The following FRMD3 variants were observed in gnomAD, a reference collection of about 807,000 sequenced individuals.
FRMD3 encodes the protein FERM domain-containing protein 3.
In FRMD3, 33 loss-of-function variants were observed where a neutral mutation model predicts 70.2. The observed-to-expected ratio is 0.47, with a 90% CI of 0.36 to 0.63. The LOEUF is 0.63. FRMD3 is among the 20% of genes least tolerant of loss of function. The probability of loss-of-function intolerance (pLI) is 0.00; values close to 1 mark genes in which losing one functional copy is unlikely to be tolerated. For missense variants in FRMD3, 632 were observed against 711.4 expected (o/e 0.89, Z 1.27); for synonymous variants, 279 against 255.9 (o/e 1.09, Z -0.86).
chr9:83,327,511 T>G (rs1239517495), intron 6 of FRMD3, among the ~76,000 whole-genome samples: 1 of 152,190 alleles, frequency 6.6e-6, no homozygotes, highest in Non-Finnish European at 1.5e-5. Flanking sequence ...TTCTCCTCCC[T>G]GTCATCCTGC....
At chr9:83,310,400 A>T in intron 9 of FRMD3, 85 bp downstream of exon 9, 2 of 1,055,478 alleles carry the variant, frequency 1.9e-6, no homozygotes, top group South Asian at 2.8e-5. Context: ...GTCTTTGGCG[A>T]CTACAATACT....
At chr9:83,364,802 T>A (rs1230300842) in intron 3 of FRMD3, among the ~76,000 whole-genome samples, 2 of 152,246 alleles carry the variant, frequency 1.3e-5, no homozygotes, top group African/African-American at 4.8e-5. Context: ...GTGTGAGCGA[T>A]GTCCTTTTTC....
At position 83,248,020 on chromosome 9, in the gene FRMD3, C is replaced by G; in HGVS notation, c.1692G>C (p.Gln564His). ...AGTGAAACTGCTCAAACTCTGGTGTCTGGCGGATTTCGCATAAGAAGGAGA... is the reference window on the plus strand; with the variant it reads ...AGTGAAACTGCTCAAACTCTGGTGTGTGGCGGATTTCGCATAAGAAGGAGA... ...IDLSFLCEIR[Q>H]TPEFEQFHYE... Residue 564 changes from glutamine to histidine, a missense_variant, in exon 14 of 14, where the codon CAG becomes CAC. Gln to His is a conservative substitution (Grantham distance 24). Coordinates refer to ENST00000304195, the MANE Select transcript of FRMD3 (RefSeq NM_174938.6). 6.2e-7 allele frequency: 1 copy of G among 1,614,170 alleles called. No individual in the cohort carries two copies. The highest frequency in any genetic ancestry group is 8.5e-7 in the Non-Finnish European group (1 of 1,180,032).
intron 6 of FRMD3, among the ~76,000 whole-genome samples, chr9:83,333,543 T>C (rs145033939): frequency 9.2e-5 from 14 of 152,346 alleles, no homozygotes; most frequent in African/African-American, 2.9e-4. Context: ...TCTCATGAAA[T>C]TGTGGATCAC....
rs1825612300 is a variant in FRMD3 at position 83,389,706 on chromosome 9, C to T, written c.150G>A (p.Arg50=). The change falls in exon 2 of 14, where the codon AGG becomes AGA. Residue 50 remains arginine, a splice_region_variant and synonymous_variant. Coordinates refer to ENST00000304195, the MANE Select transcript of FRMD3 (RefSeq NM_174938.6). ...CAATGAGAAACTGCCCTTTGGTTTC[C>T]CTCTGCAAAGGAAGCACATTTAAGT... ...DDSEISCHIQ[R]ETKGQFLIDH... 6.2e-7 allele frequency: 1 copy of T among 1,610,690 alleles called. No homozygotes were observed. The highest frequency in any genetic ancestry group is 2.2e-5 in the East Asian group (1 of 44,846).
chr9:83,416,745 G>GTCTCTGTCTCTCTC (rs1287183704), intron 1 of FRMD3, among the ~76,000 whole-genome samples: 10 of 102,288 alleles, frequency 9.8e-5, no homozygotes, highest in African/African-American at 3.9e-5. Flanking sequence ...ATTTCTCTCT[G>GTCTCTGTCTCTCTC]TCTCTCTCTC....
chr9:83,406,446 A>G (rs1826106382), intron 1 of FRMD3, among the ~76,000 whole-genome samples: 1 of 152,202 alleles, frequency 6.6e-6, no homozygotes, highest in Admixed American at 6.5e-5. Context: ...TGCTTTGTGC[A>G]CACAAAGAAA....
intron 1 of FRMD3, among the ~76,000 whole-genome samples, chr9:83,503,238 C>T (rs1005502965): frequency 6.6e-6 from 1 of 152,150 alleles, no homozygotes; most frequent in Non-Finnish European, 1.5e-5. Context: ...AAATTATCTG[C>T]ATTATCCTGG....
At chr9:83,367,666 G>C (rs1423387584) in intron 3 of FRMD3, among the ~76,000 whole-genome samples, 1 of 152,224 alleles carries the variant, frequency 6.6e-6, no homozygotes, top group Non-Finnish European at 1.5e-5. Flanking sequence ...AGTGCTGGCT[G>C]CAACAGTAGG....
the FRMD3 span, among the ~76,000 whole-genome samples, chr9:83,546,474 T>C: frequency 3.3e-5 from 5 of 152,210 alleles, no homozygotes; most frequent in Non-Finnish European, 5.9e-5. Context: ...TAAGGGAATT[T>C]GATGCCACTA....
rs779303168 is a variant in FRMD3, at chr9:83,527,710, G to A, written c.147+10375C>T. On this transcript the variant is annotated intron_variant, in intron 1 of 13. Transcript: ENST00000304195. ...AGAAAATCCACAGAAACATCCAACC[G>A]AGAAGCACTTACACACTTCTCCCAG... Among the ~76,000 whole-genome samples, 5 of 152,042 alleles carry A rather than the reference G, an allele frequency of 3.3e-5. No homozygotes were observed. The South Asian group carries it at 6.2e-4, about 19-fold the overall frequency.
rs1832119150 is a variant in FRMD3, at chr9:83,246,671, A to ACACT, written c.*1246_*1247insAGTG. On this transcript the variant is annotated 3_prime_UTR_variant, in exon 14 of 14. Transcript: ENST00000304195. ...CTCTCTCTCTCTCTCTCTCTCTCTC[A>ACACT]CACACACACACACGCACACTCACAT... 1 of 633,952 alleles carries ACACT rather than the reference A, an allele frequency of 1.6e-6. No individual in the cohort carries two copies. Among genetic ancestry groups the ACACT allele is most frequent in the South Asian group, 8.4e-5 (1 of 11,878 alleles). 39.3% of individuals were successfully genotyped at this position (633,952 alleles called of 1,614,324 possible).
intron 1 of FRMD3, among the ~76,000 whole-genome samples, chr9:83,451,086 C>A (rs957087388): frequency 6.6e-6 from 1 of 152,128 alleles, no homozygotes; most frequent in Non-Finnish European, 1.5e-5. Context: ...AAACAAAATA[C>A]ACCTTTTTTT....
In FRMD3 at chr9:83,389,696, C is replaced by T; in HGVS notation, c.160G>A (p.Gly54Arg). Residue 54 changes from glycine to arginine, a missense_variant, in exon 2 of 14, where the codon GGG becomes AGG. Physicochemically the swap from Gly to Arg is moderately radical, Grantham distance 125. This residue lies in a region of FRMD3 where 208 missense variants were observed against 247.7 expected (regional missense o/e 0.84). Coordinates refer to ENST00000304195, the MANE Select transcript of FRMD3 (RefSeq NM_174938.6). ...ISCHIQRETK[G>R]QFLIDHICNY... ...CAGATGTGGTCAATGAGAAACTGCC[C>T]TTTGGTTTCCCTCTGCAAAGGAAGC... 1 of 1,613,296 alleles carries T rather than the reference C, an allele frequency of 6.2e-7. No homozygotes were observed. The highest frequency in any genetic ancestry group is 1.7e-4 in the Middle Eastern group (1 of 6,054).
chr9:83,447,089 T>C (rs1297677196), intron 1 of FRMD3, among the ~76,000 whole-genome samples: 2 of 152,172 alleles, frequency 1.3e-5, no homozygotes, highest in African/African-American at 4.8e-5. Context: ...AGTGGCGCCA[T>C]CTCGGCTCAC....
intron 1 of FRMD3, among the ~76,000 whole-genome samples, chr9:83,523,021 C>T (rs1484451877): frequency 6.6e-6 from 1 of 152,084 alleles, no homozygotes; most frequent in Admixed American, 6.6e-5. Flanking sequence ...TATGCTGAAT[C>T]TGTTTATGTG....
chr9:83,450,304 T>C (rs1468782264), intron 1 of FRMD3, among the ~76,000 whole-genome samples: 1 of 150,926 alleles, frequency 6.6e-6, no homozygotes, highest in Non-Finnish European at 1.5e-5. Context: ...CTGGATATAT[T>C]GTGACAGCCA....
the FRMD3 span, among the ~76,000 whole-genome samples, chr9:83,573,203 C>T: frequency 0.32 from 47,626 of 150,924 alleles, 8,297 homozygotes; most frequent in Non-Finnish European, 0.38. Flanking sequence ...TTGTTCTAGG[C>T]TCCAAGAGCA....
At chr9:83,254,597 G>A (rs13297573) in intron 13 of FRMD3, among the ~76,000 whole-genome samples, 48,308 of 151,412 alleles carry the variant, frequency 0.32, 8,558 homozygotes, top group Middle Eastern at 0.46. Flanking sequence ...GAATCTAGAC[G>A]CTGAATTTTA....
Sources: allele counts gnomAD v4.1 joint callset (sites outside exome capture counted in the v4.1 genomes callset), GRCh38; gene constraint gnomAD v4.1.1; regional missense constraint gnomAD v4.1.1; transcripts MANE v1.5; gene names NCBI Gene and HGNC (gene_info 2026-07-23, HGNC 2026-07-21).